DACH2: variants seen among roughly 807,000 people sequenced by gnomAD.
DACH2 encodes the protein dachshund family transcription factor 2.
Under a neutral mutation model 35.8 loss-of-function variants are expected in DACH2, and 17 were observed. That is an observed-to-expected ratio of 0.48 (90% CI 0.33 to 0.71). The LOEUF is 0.71. DACH2 is among the 30% of genes least tolerant of loss of function. DACH2 has a pLI of 0.02. For missense variants in DACH2, 469 were observed against 472.7 expected, an observed-to-expected ratio of 0.99 and a Z score of 0.07; for synonymous variants, 195 against 177.3, an observed-to-expected ratio of 1.10 and a Z score of -0.79.
intron 7 of DACH2, among the ~76,000 whole-genome samples, chrX:86,747,401 C>T (rs2041724628): frequency 9.0e-6 from 1 of 111,230 alleles, no homozygotes; most frequent in Admixed American, 9.6e-5. Flanking sequence ...ATACATTTTG[C>T]ACTTCTTTAA....
At chrX:86,289,922 T>C (rs922991738) in intron 1 of DACH2, among the ~76,000 whole-genome samples, 10 of 108,184 alleles carry the variant, frequency 9.2e-5, no homozygotes, top group Middle Eastern at 4.7e-3. Context: ...TTTATGGTCC[T>C]TTGGGTATAT....
At chrX:86,310,879 C>T (rs1337924895) in intron 1 of DACH2, among the ~76,000 whole-genome samples, 1 of 111,219 alleles carries the variant, frequency 9.0e-6, no homozygotes, top group Admixed American at 9.5e-5. Context: ...TCTCTGGACA[C>T]CACTCAGCCT....
chrX:86,419,106 T>A (rs1391260509), intron 2 of DACH2, among the ~76,000 whole-genome samples: 1 of 111,715 alleles, frequency 9.0e-6, no homozygotes, highest in Non-Finnish European at 1.9e-5. Context: ...AGCATTTTGG[T>A]CAAAGCCATT....
At chrX:86,689,139 A>G (rs979141622) in intron 4 of DACH2, among the ~76,000 whole-genome samples, 4 of 111,776 alleles carry the variant, frequency 3.6e-5, no homozygotes, top group Admixed American at 1.9e-4. Context: ...AGACCTTCTC[A>G]ATATTTTAAA....
At chrX:86,305,025 G>A (rs2034654049) in intron 1 of DACH2, 1 of 150,344 alleles carries the variant, frequency 6.7e-6, no homozygotes, top group African/African-American at 3.1e-5. Context: ...GTGCAGCTGA[G>A]CTTTGACAAG....
chrX:86,333,384 C>T (rs1340568310), intron 1 of DACH2, among the ~76,000 whole-genome samples: 3 of 111,667 alleles, frequency 2.7e-5, no homozygotes, highest in East Asian at 5.7e-4. Context: ...GAGGCTTGCT[C>T]CCTATCTCTG....
intron 3 of DACH2, among the ~76,000 whole-genome samples, chrX:86,549,791 A>T (rs927214541): frequency 9.0e-6 from 1 of 111,516 alleles, no homozygotes; most frequent in Non-Finnish European, 1.9e-5. Context: ...GAAAAAATTA[A>T]TTGTGTTTGA....
chrX:86,823,854 A>G (rs1443814664), intron 11 of DACH2, among the ~76,000 whole-genome samples: 3 of 111,266 alleles, frequency 2.7e-5, no homozygotes, highest in African/African-American at 9.8e-5. Flanking sequence ...GTAGGTCACA[A>G]GATCACATGC....
chrX:86,537,374 CA>C (rs1432911855), intron 3 of DACH2, among the ~76,000 whole-genome samples: 2 of 111,185 alleles, frequency 1.8e-5, no homozygotes, highest in Admixed American at 1.9e-4. Context: ...AGGGCAGCAC[CA>C]GTAATTTCTA....
chrX:86,802,984 A>AT (rs1236674769), intron 7 of DACH2, among the ~76,000 whole-genome samples: 23 of 112,044 alleles, frequency 2.1e-4, no homozygotes, highest in Non-Finnish European at 3.8e-5. Flanking sequence ...ATAAAATGTT[A>AT]TTTTTTGTGC....
At chrX:86,807,494 C>T (rs1463980621) in intron 7 of DACH2, among the ~76,000 whole-genome samples, 3 of 111,540 alleles carry the variant, frequency 2.7e-5, no homozygotes, top group Non-Finnish European at 5.6e-5. Flanking sequence ...CAATCAGGCT[C>T]CAGTGTATTT....
intron 3 of DACH2, among the ~76,000 whole-genome samples, chrX:86,522,440 A>G (rs1425185140): frequency 1.8e-5 from 2 of 111,666 alleles, no homozygotes; most frequent in African/African-American, 6.5e-5. Flanking sequence ...ATTCATTTAG[A>G]TATTATATCT....
intron 1 of DACH2, chrX:86,160,433 G>A: frequency 5.6e-6 from 3 of 540,084 alleles, no homozygotes. Context: ...AGCATCACCG[G>A]ACTTCAAGAA....
At chrX:86,406,847 T>G (rs550361939) in intron 2 of DACH2, among the ~76,000 whole-genome samples, 2 of 112,097 alleles carry the variant, frequency 1.8e-5, no homozygotes, top group East Asian at 2.8e-4. Context: ...CTAAAGAATA[T>G]TCTTAGATCT....
intron 2 of DACH2, among the ~76,000 whole-genome samples, chrX:86,442,959 G>A (rs1329271428): frequency 2.7e-5 from 3 of 111,879 alleles, no homozygotes; most frequent in Non-Finnish European, 3.8e-5. Flanking sequence ...CCAGTACCAT[G>A]CTGTTTTGGT....
intron 7 of DACH2, among the ~76,000 whole-genome samples, chrX:86,811,580 C>T (rs1331040163): frequency 1.8e-5 from 2 of 111,510 alleles, no homozygotes; most frequent in Admixed American, 9.6e-5. Context: ...TTTGCCTGTG[C>T]TCTCTTGCTG....
chrX:86,771,930 CTGTT>C (rs2041991295), intron 7 of DACH2, among the ~76,000 whole-genome samples: 1 of 111,484 alleles, frequency 9.0e-6, no homozygotes, highest in African/African-American at 3.3e-5. Context: ...GAAGATAACT[CTGTT>C]TGTGAAATGT....
chrX:86,174,310 G>C (rs754362353), intron 1 of DACH2, among the ~76,000 whole-genome samples: 1 of 109,399 alleles, frequency 9.1e-6, no homozygotes, highest in Non-Finnish European at 1.9e-5. Context: ...TTATTTTTTA[G>C]AGACCTGAGT....
At chrX:86,469,639 T>C (rs970335716) in intron 2 of DACH2, among the ~76,000 whole-genome samples, 1 of 111,059 alleles carries the variant, frequency 9.0e-6, no homozygotes, top group Non-Finnish European at 1.9e-5. Flanking sequence ...TATTTTAGTG[T>C]CTTTCATTCT....
Sources: gnomAD v4.1 joint callset for allele counts (sites outside exome capture counted in the v4.1 genomes callset) on GRCh38, gnomAD v4.1.1 for gene constraint, MANE v1.5 for transcripts, NCBI Gene and HGNC (gene_info 2026-07-23, HGNC 2026-07-21) for gene names.